Variants in TWSG1 observed in about 807,000 individuals in gnomAD.
TWSG1 encodes twisted gastrulation BMP signaling modulator 1.
A neutral mutation model predicts 23.0 loss-of-function variants in TWSG1; 15 were observed. The ratio of observed to expected loss-of-function variants is 0.65; its 90% CI spans 0.44 to 1.00. The LOEUF is 1.00. TWSG1 is among the 50% of genes least tolerant of loss of function. TWSG1 has a pLI of 0.00. For synonymous variants in TWSG1, 86 were observed against 92.8 expected, an observed-to-expected ratio of 0.93 and a Z score of 0.42; for missense variants, 242 against 278.7, an observed-to-expected ratio of 0.87 and a Z score of 0.94.
At chr18:9,360,776 T>C (rs1228638717) in intron 3 of TWSG1, among the ~76,000 whole-genome samples, 1 of 152,234 alleles carries the variant, frequency 6.6e-6, no homozygotes, top group Non-Finnish European at 1.5e-5. Flanking sequence ...ATATACTTTT[T>C]AAGTCACATA....
At chr18:9,352,111 C>T (rs929456659) in intron 2 of TWSG1, among the ~76,000 whole-genome samples, 6 of 152,172 alleles carry the variant, frequency 3.9e-5, no homozygotes, top group African/African-American at 1.4e-4. Context: ...CCCCTGGCAA[C>T]CACTGATTTG....
At chr18:9,378,832 T>A (rs994769682) in intron 3 of TWSG1, among the ~76,000 whole-genome samples, 2 of 148,274 alleles carry the variant, frequency 1.3e-5, no homozygotes, top group African/African-American at 5.1e-5. Flanking sequence ...AAAAAAAAAA[T>A]TAGCTGGGCA....
intron 2 of TWSG1, among the ~76,000 whole-genome samples, chr18:9,338,205 A>G (rs2040431138): frequency 6.6e-6 from 1 of 152,178 alleles, no homozygotes; most frequent in African/African-American, 2.4e-5. Context: ...TTGTTTTTAT[A>G]CATCAGAAGC....
chr18:9,342,437 G>T (rs1412569287), intron 2 of TWSG1, among the ~76,000 whole-genome samples: 1 of 152,050 alleles, frequency 6.6e-6, no homozygotes, highest in African/African-American at 2.4e-5. Context: ...TCTAAAACTG[G>T]CAATAAACCA....
Position 9,400,451 on chromosome 18 carries a change from G to A in TWSG1, c.*924G>A, listed in dbSNP as rs2040757846. 2.0e-5 allele frequency: 3 copies of A among 152,162 alleles called. No individual in the cohort carries two copies. Among genetic ancestry groups the A allele is most frequent in the Admixed American group, 6.5e-5 (1 of 15,286 alleles). 9.4% of individuals were successfully genotyped at this position (152,162 alleles called of 1,614,324 possible). The stretch of plus-strand genomic sequence containing the variant: ...CTGAAAGGGGAGGCTGAGCCAGTGC[G>A]AGACTGAACTTGTGCAGCCTTAGCC... On this transcript the variant is annotated 3_prime_UTR_variant, in exon 5 of 5. Coordinates refer to ENST00000262120, the MANE Select transcript of TWSG1 (RefSeq NM_020648.6).
chr18:9,396,730 T>TA, intron 4 of TWSG1, 184 bp downstream of exon 4: 1 of 596,750 alleles, frequency 1.7e-6, no homozygotes, highest in Non-Finnish European at 2.4e-6. Flanking sequence ...GCCAGAAGGA[T>TA]AAGAGAAAAA....
intron 1 of TWSG1, among the ~76,000 whole-genome samples, chr18:9,335,222 C>T (rs1019247333): frequency 6.6e-6 from 1 of 152,184 alleles, no homozygotes; most frequent in Non-Finnish European, 1.5e-5. Flanking sequence ...GTGCCCGGTC[C>T]CCCACACCGC....
intron 3 of TWSG1, among the ~76,000 whole-genome samples, chr18:9,386,059 C>G (rs557003573): frequency 6.6e-6 from 1 of 152,004 alleles, no homozygotes; most frequent in South Asian, 2.1e-4. Context: ...GTCCCAGATA[C>G]TCAGGAGACT....
intron 2 of TWSG1, among the ~76,000 whole-genome samples, chr18:9,349,833 T>G (rs534340503): frequency 1.3e-5 from 2 of 152,304 alleles, no homozygotes. Flanking sequence ...CATCCCATTT[T>G]CCTGCTCTTA....
chr18:9,366,188 C>G (rs1169299776), intron 3 of TWSG1, among the ~76,000 whole-genome samples: 1 of 152,126 alleles, frequency 6.6e-6, no homozygotes, highest in Admixed American at 6.5e-5. Flanking sequence ...ATTTGCTATA[C>G]TTAATAAATT....
chr18:9,358,958 G>A (rs61614384), intron 2 of TWSG1, among the ~76,000 whole-genome samples: 1 of 152,152 alleles, frequency 6.6e-6, no homozygotes, highest in African/African-American at 2.4e-5. Flanking sequence ...GGTTTGTTCA[G>A]GACTGGCAGT....
At chr18:9,335,095 C>A (rs2040415461) in intron 1 of TWSG1, among the ~76,000 whole-genome samples, 175 bp downstream of exon 1, 1 of 152,096 alleles carries the variant, frequency 6.6e-6, no homozygotes, top group Non-Finnish European at 1.5e-5. Context: ...CGCGGGCGCA[C>A]AGGCCGGACG....
rs141733264 is a variant in TWSG1 at position 9,367,981 on chromosome 18, C to G, written c.223+7910C>G. Among the ~76,000 whole-genome samples the G allele has an allele frequency of 4.0e-3, 613 of 152,282 alleles. 1 individual carries two copies. The highest frequency in any genetic ancestry group is 0.014 in the African/African-American group (569 of 41,566). On this transcript the variant is annotated intron_variant, in intron 3 of 4. Transcript: ENST00000262120. ...TAATGCTGCAGGGAACATGAGAGTG[C>G]AAACATCTCTTTGACATACTGAGCT...
chr18:9,336,917 A>C (rs960170004), intron 1 of TWSG1, among the ~76,000 whole-genome samples: 6 of 152,146 alleles, frequency 3.9e-5, no homozygotes, highest in African/African-American at 1.4e-4. Context: ...ATCACTCAAA[A>C]GTTTTTTGAA....
chr18:9,344,910 G>C (rs1022146190), intron 2 of TWSG1, among the ~76,000 whole-genome samples: 2 of 152,014 alleles, frequency 1.3e-5, no homozygotes, highest in Non-Finnish European at 2.9e-5. Flanking sequence ...ACCACACTCA[G>C]CTAATTTTTA....
chr18:9,384,307 A>G (rs1278744112), intron 3 of TWSG1, among the ~76,000 whole-genome samples: 1 of 152,150 alleles, frequency 6.6e-6, no homozygotes, highest in African/African-American at 2.4e-5. Context: ...GATGACTGAG[A>G]CAGTTGAATT....
intron 3 of TWSG1, among the ~76,000 whole-genome samples, chr18:9,370,315 TA>T (rs34521583): frequency 3.0e-3 from 436 of 143,704 alleles, no homozygotes; most frequent in Middle Eastern, 3.5e-3. Flanking sequence ...AGACTCCATC[TA>T]AAAAAAAAAA....
intron 2 of TWSG1, among the ~76,000 whole-genome samples, chr18:9,354,363 A>T (rs2040515452): frequency 6.6e-6 from 1 of 152,180 alleles, no homozygotes; most frequent in Non-Finnish European, 1.5e-5. Flanking sequence ...GGAAGCATTG[A>T]GTCAGTCTTT....
intron 3 of TWSG1, among the ~76,000 whole-genome samples, chr18:9,391,340 T>C (rs1384019809): frequency 1.3e-5 from 2 of 152,236 alleles, no homozygotes; most frequent in Non-Finnish European, 2.9e-5. Context: ...CCATGAATGT[T>C]GTACTCAACG....
Sources: gnomAD v4.1 joint callset for allele counts (sites outside exome capture counted in the v4.1 genomes callset) on GRCh38, gnomAD v4.1.1 for gene constraint, MANE v1.5 for transcripts, NCBI Gene and HGNC (gene_info 2026-07-23, HGNC 2026-07-21) for gene names.